RARB: variants seen among roughly 807,000 people sequenced by gnomAD.
RARB encodes HBV-activated protein.
In RARB, 17 loss-of-function variants were observed where a neutral mutation model predicts 51.9. The observed-to-expected ratio is 0.33, with a 90% CI of 0.22 to 0.49. The LOEUF is 0.49. RARB is among the 20% of genes least tolerant of loss of function. RARB has a pLI of 0.99. For missense variants in RARB, 369 were observed against 550.8 expected, an observed-to-expected ratio of 0.67 and a Z score of 3.30; for synonymous variants, 215 against 195.4, an observed-to-expected ratio of 1.10 and a Z score of -0.84.
chr3:25,106,433 G>C (rs1023503832), intron 3 of RARB, among the ~76,000 whole-genome samples: 15 of 141,150 alleles, frequency 1.1e-4, no homozygotes, highest in African/African-American at 3.8e-4. Context: ...GTACCACCAT[G>C]CCCAGCTACT....
intron 3 of RARB, among the ~76,000 whole-genome samples, chr3:25,089,484 C>A (rs950279528): frequency 3.1e-5 from 1 of 32,042 alleles, no homozygotes; most frequent in Admixed American, 3.9e-4. Flanking sequence ...ACTCAATCAT[C>A]CCAAAAAAAA....
chr3:24,931,952 T>A (rs1326285817), intron 2 of RARB, among the ~76,000 whole-genome samples: 1 of 152,088 alleles, frequency 6.6e-6, no homozygotes, highest in Non-Finnish European at 1.5e-5. Context: ...AGACTTATGT[T>A]TCTAAACTTA....
chr3:25,264,676 G>A (rs1232609788), intron 5 of RARB, among the ~76,000 whole-genome samples: 3 of 151,860 alleles, frequency 2.0e-5, no homozygotes, highest in Admixed American at 1.3e-4. Flanking sequence ...GTAGAAATTG[G>A]CATTTTTCCT....
At chr3:25,466,567 A>G (rs1695441761) in intron 2 of RARB, among the ~76,000 whole-genome samples, 1 of 152,224 alleles carries the variant, frequency 6.6e-6, no homozygotes, top group Admixed American at 6.5e-5. Context: ...TTATAATCTT[A>G]GTACTGTTCT....
intron 3 of RARB, among the ~76,000 whole-genome samples, chr3:25,080,250 A>G (rs1417551650): frequency 6.6e-6 from 1 of 152,234 alleles, no homozygotes; most frequent in African/African-American, 2.4e-5. Context: ...ATTTTGGAGC[A>G]TGTATCAGAG....
intron 2 of RARB, among the ~76,000 whole-genome samples, chr3:25,498,651 G>A (rs2125601710): frequency 6.6e-6 from 1 of 152,092 alleles, no homozygotes; most frequent in South Asian, 2.1e-4. Flanking sequence ...TCGTGAGATT[G>A]TTCTTCTCTC....
At chr3:25,127,149 C>T (rs11129181) in intron 3 of RARB, among the ~76,000 whole-genome samples, 98,526 of 151,896 alleles carry the variant, frequency 0.65, 32,309 homozygotes, top group Admixed American at 0.75. Flanking sequence ...AGAGTATAAA[C>T]TGAACTATGT....
intron 5 of RARB, among the ~76,000 whole-genome samples, chr3:25,587,928 A>C (rs2125317257): frequency 6.6e-6 from 1 of 152,354 alleles, no homozygotes; most frequent in Middle Eastern, 3.4e-3. Context: ...GAGGTTTACA[A>C]GATAGAAGAG....
chr3:25,175,250 C>T (rs1187575957), intron 5 of RARB, among the ~76,000 whole-genome samples: 1 of 152,260 alleles, frequency 6.6e-6, no homozygotes, highest in Middle Eastern at 3.4e-3. Context: ...AAAGTTCTGC[C>T]TGTTTAAAGA....
intron 3 of RARB, among the ~76,000 whole-genome samples, chr3:25,564,544 G>C (rs1044337751): frequency 2.0e-5 from 3 of 152,200 alleles, no homozygotes; most frequent in Non-Finnish European, 4.4e-5. Flanking sequence ...GAAGAAAGAG[G>C]CTCAGGTGAA....
intron 5 of RARB, among the ~76,000 whole-genome samples, chr3:25,231,979 C>A (rs1559515569): frequency 6.6e-6 from 1 of 151,630 alleles, no homozygotes; most frequent in Admixed American, 6.6e-5. Context: ...ACAAAGGTCA[C>A]AAAGTTTATA....
At chr3:25,086,435 A>C (rs1159618673) in intron 3 of RARB, among the ~76,000 whole-genome samples, 2 of 152,194 alleles carry the variant, frequency 1.3e-5, no homozygotes, top group Non-Finnish European at 2.9e-5. Context: ...ATTTTTTCTC[A>C]GAAAAATTTT....
chr3:25,476,135 A>T (rs1398738984), intron 2 of RARB, among the ~76,000 whole-genome samples: 1 of 152,170 alleles, frequency 6.6e-6, no homozygotes, highest in Non-Finnish European at 1.5e-5. Flanking sequence ...TTCCACTCAC[A>T]ACTCATTGAC....
chr3:25,535,148 T>C (rs922559423), intron 3 of RARB, among the ~76,000 whole-genome samples: 1 of 152,194 alleles, frequency 6.6e-6, no homozygotes, highest in African/African-American at 2.4e-5. Flanking sequence ...AAGCTGAGTG[T>C]TCTGTTGGTT....
intron 2 of RARB, among the ~76,000 whole-genome samples, chr3:25,027,319 T>G (rs1697769389): frequency 6.6e-6 from 1 of 152,122 alleles, no homozygotes; most frequent in African/African-American, 2.4e-5. Flanking sequence ...TGGGGTCAGG[T>G]GACCTGAATT....
Position 25,522,044 on chromosome 3 carries a change from G to A in RARB, c.448+20721G>A, listed in dbSNP as rs143829239. On this transcript the variant is annotated intron_variant, in intron 3 of 7. Coordinates refer to ENST00000330688, the MANE Select transcript of RARB (RefSeq NM_000965.5). The stretch of plus-strand genomic sequence containing the variant: ...GATCTCTGAACATTTTTGTCATGGC[G>A]TGCTATAAAAGAGTATCATCATTTT... Among the ~76,000 whole-genome samples the A allele has an allele frequency of 3.9e-3, 588 of 151,904 alleles. 5 individuals carry two copies. The highest frequency in any genetic ancestry group is 0.014 in the African/African-American group (562 of 41,418).
At chr3:24,852,265 G>A (rs1230451311) in intron 1 of RARB, among the ~76,000 whole-genome samples, 2 of 152,138 alleles carry the variant, frequency 1.3e-5, no homozygotes, top group African/African-American at 4.8e-5. Context: ...TCAACATTAA[G>A]AGTGAACCAT....
intron 2 of RARB, among the ~76,000 whole-genome samples, chr3:24,924,807 A>G (rs1695283542): frequency 6.6e-6 from 1 of 152,154 alleles, no homozygotes; most frequent in South Asian, 2.1e-4. Flanking sequence ...GTGGACTCAG[A>G]CAAGTATCTT....
At chr3:25,147,955 G>A (rs1248524174) in intron 4 of RARB, among the ~76,000 whole-genome samples, 1 of 152,206 alleles carries the variant, frequency 6.6e-6, no homozygotes, top group Non-Finnish European at 1.5e-5. Flanking sequence ...ATTAATGAAG[G>A]TAGGAAAATA....
Sources: gnomAD v4.1 joint callset for allele counts (sites outside exome capture counted in the v4.1 genomes callset) on GRCh38, gnomAD v4.1.1 for gene constraint, MANE v1.5 for transcripts, NCBI Gene and HGNC (gene_info 2026-07-23, HGNC 2026-07-21) for gene names.